OTOP1: variants seen among roughly 807,000 people sequenced by gnomAD.
The protein encoded by OTOP1 is otopetrin 1.
OTOP1 carries 59 observed loss-of-function variants against 52.9 expected under a neutral mutation model. That is an observed-to-expected ratio of 1.12 (90% CI 0.91 to 1.39). OTOP1 has a LOEUF of 1.39. Ranked by LOEUF, OTOP1 falls within the 40% of genes most tolerant of loss-of-function variation. OTOP1 has a pLI of 0.00. For synonymous variants in OTOP1, 317 were observed against 337.7 expected (o/e 0.94, Z 0.67); for missense variants, 761 against 800.9 (o/e 0.95, Z 0.60).
chr4:4,226,106 G>A (rs1270611853), intron 1 of OTOP1, among the ~76,000 whole-genome samples: 5 of 152,210 alleles, frequency 3.3e-5, no homozygotes, highest in Non-Finnish European at 7.3e-5. Context: ...ACGGGCCCTC[G>A]GGGGCCGAGT....
intron 5 of OTOP1, among the ~76,000 whole-genome samples, chr4:4,193,014 G>T (rs941789300): frequency 6.6e-6 from 1 of 152,162 alleles, no homozygotes; most frequent in African/African-American, 2.4e-5. Context: ...GAAAGTGGGT[G>T]CAATGGGAAA....
Position 4,197,542 on chromosome 4 carries a change from A to T in OTOP1, c.1292T>A (p.Leu431Gln). 6.2e-7 allele frequency: 1 copy of T among 1,614,104 alleles called. No homozygotes were observed. Among genetic ancestry groups the T allele is most frequent in the Non-Finnish European group, 8.5e-7 (1 of 1,180,024 alleles). ...YTWYNLPYSI[L>Q]AIVEKYIQNL... ...CTGGATGTACTTCTCCACGATCGCC[A>T]GGATGGAGTAGGGCAGGTTGTACCA... The change falls in exon 5 of 6, where the codon CTG (leucine) becomes CAG (glutamine). Residue 431 changes from leucine (L) to glutamine (Q), a missense_variant. Transcript: ENST00000296358.
chr4:4,206,340 T>C (rs1716906087), intron 2 of OTOP1, among the ~76,000 whole-genome samples: 1 of 152,196 alleles, frequency 6.6e-6, no homozygotes, highest in South Asian at 2.1e-4. Flanking sequence ...GGCCTCTTGG[T>C]TCAGGAAGAA....
chr4:4,218,882 T>C (rs1717209208), intron 1 of OTOP1, among the ~76,000 whole-genome samples: 1 of 151,348 alleles, frequency 6.6e-6, no homozygotes, highest in African/African-American at 2.4e-5. Flanking sequence ...TGAGCCAAGA[T>C]CATGCCACTG....
chr4:4,210,876 C>T (rs1259595620), intron 2 of OTOP1, among the ~76,000 whole-genome samples: 2 of 152,022 alleles, frequency 1.3e-5, no homozygotes, highest in African/African-American at 4.8e-5. Context: ...TTTGGGCCAC[C>T]CTAACGATCT....
At chr4:4,199,890 ATGGAG>A (rs2108798372) in intron 4 of OTOP1, among the ~76,000 whole-genome samples, 1 of 152,336 alleles carries the variant, frequency 6.6e-6, no homozygotes, top group South Asian at 2.1e-4. Flanking sequence ...ATAGGACAGA[ATGGAG>A]TGGAGTCAAC....
chr4:4,196,108 A>G lies in OTOP1; in HGVS notation c.1668+1058T>C, dbSNP rs916317790. ...GCAAGAGAAACCTAGATGTCCATCA[A>G]TAATGGACTGGATAAAGAAAATGTA... On this transcript the variant is annotated intron_variant, in intron 5 of 5. Transcript: ENST00000296358. 3.3e-5 allele frequency among the ~76,000 whole-genome samples: 5 copies of G among 152,228 alleles called. No individual in the cohort carries two copies. In the South Asian group the frequency reaches 6.2e-4, roughly 19 times the overall value.
At chr4:4,207,853 T>C (rs543410650) in intron 2 of OTOP1, among the ~76,000 whole-genome samples, 65 of 152,286 alleles carry the variant, frequency 4.3e-4, no homozygotes, top group African/African-American at 1.5e-3. Context: ...TCATTACAGA[T>C]GATTTTGAGG....
chr4:4,226,438 C>A, intron 1 of OTOP1, 24 bp downstream of exon 1: 1 of 1,409,328 alleles, frequency 7.1e-7, no homozygotes, highest in African/African-American at 1.5e-5. Context: ...GGCGGAGACC[C>A]GCTCGCCCGG....
rs537723534 is a variant in OTOP1 at position 4,223,681 on chromosome 4, C to T, written c.403+2781G>A. 1.2e-4 allele frequency among the ~76,000 whole-genome samples: 18 copies of T among 151,928 alleles called. No homozygotes were observed. The South Asian group carries it at 1.5e-3, about 12-fold the overall frequency. Reference sequence around the variant, plus strand: ...TTGGGAGGCAAAGGCAGGCAGATAACCTGAGCTCAGGAGTTTGAGACCAAC... The same window carrying T: ...TTGGGAGGCAAAGGCAGGCAGATAATCTGAGCTCAGGAGTTTGAGACCAAC... On this transcript the variant is annotated intron_variant, in intron 1 of 5. Coordinates refer to ENST00000296358, the MANE Select transcript of OTOP1 (RefSeq NM_177998.3).
chr4:4,191,735 G>A (rs1217750310), intron 5 of OTOP1, among the ~76,000 whole-genome samples: 2 of 152,146 alleles, frequency 1.3e-5, no homozygotes, highest in Non-Finnish European at 2.9e-5. Context: ...CTTAACACAG[G>A]TACACTATAA....
At chr4:4,205,654 T>A (rs1716889814) in intron 3 of OTOP1, among the ~76,000 whole-genome samples, 1 of 152,186 alleles carries the variant, frequency 6.6e-6, no homozygotes, top group African/African-American at 2.4e-5. Flanking sequence ...CCCTCCCACA[T>A]CATGGGCACA....
Position 4,209,381 on chromosome 4 carries a change from A to G in OTOP1, c.541-3251T>C, listed in dbSNP as rs550702796. ...CAGTCATCTAATGTAGCAAAAGCAC[A>G]TGGTAAGTGTCCAACAGGTATAGAA... On this transcript the variant is annotated intron_variant, in intron 2 of 5. Coordinates refer to ENST00000296358, the MANE Select transcript of OTOP1 (RefSeq NM_177998.3). Among the ~76,000 whole-genome samples, 25 of 152,306 alleles carry G rather than the reference A, an allele frequency of 1.6e-4. No individual in the cohort carries two copies. The South Asian group carries it at 2.7e-3, about 16-fold the overall frequency.
chr4:4,217,402 G>C (rs972301863), intron 1 of OTOP1, among the ~76,000 whole-genome samples: 3 of 152,242 alleles, frequency 2.0e-5, no homozygotes, highest in Non-Finnish European at 4.4e-5. Flanking sequence ...TGTGCTGCAA[G>C]GAAAGGACTG....
intron 2 of OTOP1, among the ~76,000 whole-genome samples, chr4:4,207,203 AGC>A (rs1716923815): frequency 1.2e-5 from 1 of 81,500 alleles, no homozygotes; most frequent in Admixed American, 1.1e-4. Flanking sequence ...AAAAACAGAC[AGC>A]AGTCAGTGAC....
At chr4:4,208,418 A>G (rs913793176) in intron 2 of OTOP1, among the ~76,000 whole-genome samples, 1 of 152,162 alleles carries the variant, frequency 6.6e-6, no homozygotes, top group African/African-American at 2.4e-5. Flanking sequence ...AGTGGTATAG[A>G]CATACAATGG....
At chr4:4,224,400 G>C (rs1358200532) in intron 1 of OTOP1, among the ~76,000 whole-genome samples, 2 of 151,062 alleles carry the variant, frequency 1.3e-5, no homozygotes, top group Non-Finnish European at 2.9e-5. Context: ...GAGGGAATAG[G>C]GAGGGAGGGA....
chr4:4,206,851 G>A (rs114964648), intron 2 of OTOP1, among the ~76,000 whole-genome samples: 3,460 of 152,252 alleles, frequency 0.023, 137 homozygotes, highest in African/African-American at 0.078. Flanking sequence ...CTGAAGAAGC[G>A]TGTATGTTTT....
chr4:4,224,993 C>G (rs975566978), intron 1 of OTOP1, among the ~76,000 whole-genome samples: 1 of 152,176 alleles, frequency 6.6e-6, no homozygotes, highest in Non-Finnish European at 1.5e-5. Flanking sequence ...GTTTGAGATC[C>G]CCATTCTACA....
Sources: allele counts gnomAD v4.1 joint callset (sites outside exome capture counted in the v4.1 genomes callset), GRCh38; gene constraint gnomAD v4.1.1; transcripts MANE v1.5; gene names NCBI Gene and HGNC (gene_info 2026-07-23, HGNC 2026-07-21).